The following ENO4 variants were observed in gnomAD, a reference collection of about 807,000 sequenced individuals.
ENO4 encodes the protein 2-phospho-D-glycerate hydro-lyase.
A neutral mutation model predicts 63.2 loss-of-function variants in ENO4; 53 were observed. That is an observed-to-expected ratio of 0.84 (90% CI 0.67 to 1.05). The LOEUF (loss-of-function observed/expected upper bound fraction) is 1.05. Ranked by LOEUF, ENO4 falls within the 50% of genes least tolerant of loss-of-function variation. The pLI is 0.00. For missense variants in ENO4, 719 were observed against 772.0 expected (o/e 0.93, Z 0.81); for synonymous variants, 266 against 283.8 (o/e 0.94, Z 0.63).
intron 11 of ENO4, among the ~76,000 whole-genome samples, chr10:116,878,685 TC>T (rs1240085035): frequency 2.0e-5 from 3 of 150,584 alleles, no homozygotes; most frequent in East Asian, 2.0e-4. Flanking sequence ...AATTTGAGCA[TC>T]CCCCTACCCC....
chr10:116,855,468 T>A (rs1289002614), intron 1 of ENO4, among the ~76,000 whole-genome samples, 155 bp from the exon 2 acceptor site: 1 of 152,092 alleles, frequency 6.6e-6, no homozygotes, highest in Non-Finnish European at 1.5e-5. Flanking sequence ...GCTAGTCTAA[T>A]CCTGGCATCA....
rs1182675231 is a variant in ENO4 at position 116,881,617 on chromosome 10, T to G, written c.1826T>G (p.Phe609Cys). 1.9e-6 allele frequency: 3 copies of G among 1,550,398 alleles called. No individual in the cohort carries two copies. Among genetic ancestry groups the G allele is most frequent in the Non-Finnish European group, 2.6e-6 (3 of 1,146,910 alleles). The change falls in exon 14 of 14, where the codon TTC becomes TGC. Residue 609 changes from phenylalanine to cysteine, a missense_variant. Transcript: ENST00000341276. ...GCTAGGGAGCCGCTGGTGCCCACCT[T>G]CCCCACACAAGGTGTAGAGGAATCA... ...AAAREPLVPT[F>C]PTQGVEESAE...
chr10:116,856,679 T>G lies in ENO4; in HGVS notation c.482T>G (p.Leu161Arg). ...PSDQAEVDHL[L>R]RIFFASKVQE... ...GACCAGGCAGAGGTGGATCACCTAC[T>G]CAGGTACAGTTTCCACTTTGAAATA... The change falls in exon 3 of 14, where the codon CTC (leucine) becomes CGC (arginine). Residue 161 changes from leucine (L) to arginine (R), a missense_variant. Leu to Arg is a moderately radical substitution (Grantham distance 102). Coordinates refer to ENST00000341276, the MANE Select transcript of ENO4 (RefSeq NM_001242699.2). 1 of 1,520,990 alleles carries G rather than the reference T, an allele frequency of 6.6e-7. No individual in the cohort carries two copies. Among genetic ancestry groups the G allele is most frequent in the Middle Eastern group, 1.7e-4 (1 of 5,892 alleles). 94.2% of individuals were successfully genotyped at this position (1,520,990 alleles called of 1,614,324 possible).
intron 9 of ENO4, 77 bp from the exon 10 acceptor site, chr10:116,873,999 G>GA: frequency 7.0e-7 from 1 of 1,430,420 alleles, no homozygotes. Flanking sequence ...GAACGAAAAC[G>GA]AATCTGAACC....
chr10:116,883,661 A>G (rs1019308251), downstream of ENO4: 1 of 153,640 alleles, frequency 6.5e-6, no homozygotes, highest in South Asian at 2.0e-4. Context: ...TGTTACCTGT[A>G]CTACTCCATT....
chr10:116,882,803 A>G (rs1193407758), downstream of ENO4: 1 of 152,194 alleles, frequency 6.6e-6, no homozygotes, highest in African/African-American at 2.4e-5. Context: ...AGCATGCAGG[A>G]GACTTGGTTG....
At chr10:116,906,049 A>G (rs1296389116) in intron 10 of ENO4, among the ~76,000 whole-genome samples, 1 of 152,262 alleles carries the variant, frequency 6.6e-6, no homozygotes, top group Admixed American at 6.5e-5. Context: ...GGATACAAAG[A>G]GTAAAGATGA....
At chr10:116,884,426 G>A (rs1295535742), downstream of ENO4, 1 of 356,924 alleles carries the variant, frequency 2.8e-6, no homozygotes, top group Non-Finnish European at 5.7e-6. Context: ...AAAAAAGGCA[G>A]GAATACTTTC....
chr10:116,899,371 A>T (rs1847638205), intron 10 of ENO4, among the ~76,000 whole-genome samples: 1 of 152,136 alleles, frequency 6.6e-6, no homozygotes, highest in Non-Finnish European at 1.5e-5. Flanking sequence ...TGAGCAACAC[A>T]TCCATGGAGG....
chr10:116,907,631 T>C (rs1010086930), intron 10 of ENO4, among the ~76,000 whole-genome samples: 1 of 152,202 alleles, frequency 6.6e-6, no homozygotes, highest in Admixed American at 6.5e-5. Context: ...AAGGATTTAA[T>C]ACATCAACAA....
exon 11 of ENO4, chr10:116,911,518 T>C (rs1295192387): frequency 1.3e-6 from 2 of 1,550,452 alleles, no homozygotes; most frequent in African/African-American, 1.4e-5. Flanking sequence ...CTTCAAGCTG[T>C]GATGCCAGGA....
intron 10 of ENO4, 62 bp downstream of exon 10, chr10:116,874,263 C>T (rs1846772686): frequency 7.8e-7 from 1 of 1,275,984 alleles, no homozygotes; most frequent in East Asian, 2.6e-5. Flanking sequence ...AGGCAGGACT[C>T]ACCTTTTATA....
At chr10:116,854,147 C>T (rs1846178544) in intron 1 of ENO4, among the ~76,000 whole-genome samples, 1 of 152,130 alleles carries the variant, frequency 6.6e-6, no homozygotes, top group African/African-American at 2.4e-5. Context: ...ACTGCAATTA[C>T]TAAGGCTCCC....
chr10:116,871,354 C>T (rs966258229), intron 9 of ENO4, 62 bp downstream of exon 9: 54 of 1,370,758 alleles, frequency 3.9e-5, no homozygotes, highest in Non-Finnish European at 3.9e-6. Context: ...AATTAGAACT[C>T]AGAAAAAAAA....
Position 116,855,696 on chromosome 10 carries a change from TG to T in ENO4, c.243del (p.Leu82PhefsTer23). 6.5e-7 allele frequency: 1 copy of T among 1,536,582 alleles called. No homozygotes were observed. The highest frequency in any genetic ancestry group is 1.4e-5 in the African/African-American group (1 of 73,124). The stretch of plus-strand genomic sequence containing the variant: ...GTGGGGAAAGACGTACTAGATGGAC[TG>T]GGGCTTCCAACCCTGCAAGTGGACA... Reference protein sequence around the residue: ...KIVGKDVLDGLGLPTLQVDIF... With the variant: ...KIVGKDVLDGXGLPTLQVDIF... On this transcript the variant is annotated frameshift_variant, in exon 2 of 14. Coordinates refer to ENST00000341276, the MANE Select transcript of ENO4 (RefSeq NM_001242699.2). LOFTEE classifies it high-confidence loss of function.
chr10:116,849,698 C>T lies in ENO4; in HGVS notation c.132C>T (p.Phe44=), dbSNP rs748234303. The stretch of plus-strand genomic sequence containing the variant: ...TGGAAGAGCTGCTCAACTCCACCTT[C>T]TACCTCCAGCCTGCCGACGTCTACG... The part of the protein sequence containing the change: ...RRLEELLNST[F]YLQPADVYGH... The change falls in exon 1 of 14, where the codon TTC becomes TTT. Residue 44 remains phenylalanine (F), a synonymous_variant. Coordinates refer to ENST00000341276, the MANE Select transcript of ENO4 (RefSeq NM_001242699.2). 9.3e-5 allele frequency: 144 copies of T among 1,543,158 alleles called. 1 individual carries two copies. The highest frequency in any genetic ancestry group is 2.5e-5 in the East Asian group (1 of 40,694).
At chr10:116,909,980 G>A (rs1273918303) in intron 10 of ENO4, among the ~76,000 whole-genome samples, 4 of 152,108 alleles carry the variant, frequency 2.6e-5, no homozygotes, top group African/African-American at 9.7e-5. Flanking sequence ...CCATGATTGT[G>A]AGGTTGGGAC....
At chr10:116,887,155 G>C (rs1847191506), downstream of ENO4, among the ~76,000 whole-genome samples, 1 of 152,206 alleles carries the variant, frequency 6.6e-6, no homozygotes, top group African/African-American at 2.4e-5. Flanking sequence ...AGCCAGAGTA[G>C]AAGCTAAAAT....
chr10:116,898,309 C>A (rs1847594477), intron 10 of ENO4, among the ~76,000 whole-genome samples: 1 of 150,522 alleles, frequency 6.6e-6, no homozygotes, highest in Non-Finnish European at 1.5e-5. Flanking sequence ...GCCTGGGCGA[C>A]AGCAAGACTA....
Sources: gnomAD v4.1 joint callset for allele counts (sites outside exome capture counted in the v4.1 genomes callset) on GRCh38, gnomAD v4.1.1 for gene constraint, MANE v1.5 for transcripts, NCBI Gene and HGNC (gene_info 2026-07-23, HGNC 2026-07-21) for gene names.